LRRC3B: variants seen among roughly 807,000 people sequenced by gnomAD.
The protein encoded by LRRC3B is leucine rich repeat containing 3B.
Under a neutral mutation model 12.8 loss-of-function variants are expected in LRRC3B, and 2 were observed. The ratio of observed to expected loss-of-function variants is 0.16; its 90% CI spans 0.06 to 0.49. The LOEUF (loss-of-function observed/expected upper bound fraction) is 0.49, where lower values mean the gene tolerates loss of function less well. Ranked by LOEUF, LRRC3B falls within the 20% of genes least tolerant of loss-of-function variation. LRRC3B has a pLI of 0.96. For missense variants in LRRC3B, 189 were observed against 319.4 expected (o/e 0.59, Z 3.11); for synonymous variants, 132 against 122.0 (o/e 1.08, Z -0.54).
chr3:26,710,158 C>G, exon 2 of LRRC3B: 1 of 1,613,904 alleles, frequency 6.2e-7, no homozygotes, highest in African/African-American at 1.3e-5. Context: ...GCATGGCGTC[C>G]AATCATGAGA....
chr3:26,678,654 A>G (rs1226969676), intron 1 of LRRC3B, among the ~76,000 whole-genome samples: 1 of 152,290 alleles, frequency 6.6e-6, no homozygotes, highest in African/African-American at 2.4e-5. Flanking sequence ...CTTAAAGCTT[A>G]CTCTGAAAGA....
intron 1 of LRRC3B, among the ~76,000 whole-genome samples, chr3:26,674,750 A>G (rs1044120684): frequency 6.6e-6 from 1 of 152,292 alleles, no homozygotes. Context: ...GGGCATTTCT[A>G]AAAATGAACT....
Position 26,710,639 on chromosome 3 carries a change from C to G in LRRC3B, c.*187C>G, listed in dbSNP as rs1422817413. 7 of 553,092 alleles carry G rather than the reference C, an allele frequency of 1.3e-5. No individual in the cohort carries two copies. In the East Asian group the frequency reaches 1.8e-4, roughly 14 times the overall value. 34.3% of individuals were successfully genotyped at this position (553,092 alleles called of 1,614,324 possible). A position where few individuals can be genotyped will look rare whatever the true frequency, so the allele number is the denominator to read the frequency against. On this transcript the variant is annotated 3_prime_UTR_variant, in exon 2 of 2. Transcript: ENST00000396641. ...ATAATTTGAGTTTAGGTGATCCACC[C>G]CTTAATTGTACCCCCGATGGTATAT...
intron 1 of LRRC3B, among the ~76,000 whole-genome samples, chr3:26,670,523 A>G (rs1267466157): frequency 6.6e-6 from 1 of 152,166 alleles, no homozygotes; most frequent in African/African-American, 2.4e-5. Flanking sequence ...GGAGCTAAGG[A>G]TATTACTAGG....
At chr3:26,689,207 A>G (rs1256538590) in intron 1 of LRRC3B, among the ~76,000 whole-genome samples, 1 of 152,222 alleles carries the variant, frequency 6.6e-6, no homozygotes, top group East Asian at 1.9e-4. Context: ...AGGAAAAGAG[A>G]GAAATGCTGG....
At chr3:26,685,523 C>CTATATA (rs57407254) in intron 1 of LRRC3B, among the ~76,000 whole-genome samples, 37 of 38,300 alleles carry the variant, frequency 9.7e-4, no homozygotes, top group South Asian at 2.4e-3. Flanking sequence ...CTCTCTCTCT[C>CTATATA]TATATATATA....
chr3:26,654,504 T>C (rs1699330614), intron 1 of LRRC3B, among the ~76,000 whole-genome samples: 1 of 152,120 alleles, frequency 6.6e-6, no homozygotes, highest in African/African-American at 2.4e-5. Flanking sequence ...TAAATGCAAA[T>C]GAGGATTACC....
rs1698807871 is a variant in LRRC3B, at chr3:26,633,707, A to G, written c.-161+10470A>G. Among the ~76,000 whole-genome samples, 3 of 152,168 alleles carry G rather than the reference A, an allele frequency of 2.0e-5. No homozygotes were observed. The South Asian group carries it at 6.2e-4, about 32-fold the overall frequency. On this transcript the variant is annotated intron_variant, in intron 1 of 1. Transcript: ENST00000396641. ...TATCCCAGGAGGAGGGAAAGCACAG[A>G]CACAGGAAAAGGGAACAGAATAATG...
At chr3:26,694,237 GT>G (rs1700254461) in intron 1 of LRRC3B, among the ~76,000 whole-genome samples, 2 of 152,154 alleles carry the variant, frequency 1.3e-5, no homozygotes, top group Admixed American at 1.3e-4. Context: ...CAATAGCAAT[GT>G]TTTATTCTAT....
intron 1 of LRRC3B, among the ~76,000 whole-genome samples, chr3:26,689,884 C>T (rs1459447165): frequency 6.6e-6 from 1 of 152,198 alleles, no homozygotes; most frequent in African/African-American, 2.4e-5. Flanking sequence ...TCTGTCCAGT[C>T]CTCCCATCTG....
intron 1 of LRRC3B, among the ~76,000 whole-genome samples, chr3:26,684,448 T>C (rs57884324): frequency 0.22 from 33,599 of 152,216 alleles, 4,077 homozygotes; most frequent in East Asian, 0.32. Flanking sequence ...ACTTCAGCTC[T>C]CTTACTGACT....
intron 1 of LRRC3B, among the ~76,000 whole-genome samples, chr3:26,639,116 C>G (rs545112118): frequency 6.6e-6 from 1 of 152,220 alleles, no homozygotes; most frequent in South Asian, 2.1e-4. Context: ...AATAGAGCTG[C>G]ACTGTTCAAT....
At chr3:26,698,474 C>G (rs887913229) in intron 1 of LRRC3B, among the ~76,000 whole-genome samples, 2 of 152,050 alleles carry the variant, frequency 1.3e-5, no homozygotes, top group East Asian at 1.9e-4. Context: ...CATTTTGTAT[C>G]ACTCTGAGGG....
intron 1 of LRRC3B, among the ~76,000 whole-genome samples, chr3:26,663,276 C>A (rs1048230180): frequency 5.3e-5 from 8 of 152,152 alleles, no homozygotes; most frequent in African/African-American, 1.9e-4. Context: ...ATTCGTTTTG[C>A]AGCTTACTCT....
At chr3:26,679,721 G>A (rs1699931480) in intron 1 of LRRC3B, among the ~76,000 whole-genome samples, 1 of 152,108 alleles carries the variant, frequency 6.6e-6, no homozygotes, top group Non-Finnish European at 1.5e-5. Flanking sequence ...TGTCCTCCCT[G>A]CCCTCCTCCA....
chr3:26,670,495 T>A (rs961237809), intron 1 of LRRC3B, among the ~76,000 whole-genome samples: 1 of 152,158 alleles, frequency 6.6e-6, no homozygotes, highest in Non-Finnish European at 1.5e-5. Flanking sequence ...GAGCACCGGG[T>A]TTTTTAATCT....
chr3:26,692,763 A>G (rs1297357971), intron 1 of LRRC3B, among the ~76,000 whole-genome samples: 5 of 152,242 alleles, frequency 3.3e-5, no homozygotes, highest in Non-Finnish European at 2.9e-5. Flanking sequence ...CTTTCGCTAC[A>G]TAACAAGTAT....
chr3:26,679,362 C>T (rs764246049), intron 1 of LRRC3B, among the ~76,000 whole-genome samples: 2 of 152,202 alleles, frequency 1.3e-5, no homozygotes, highest in East Asian at 3.9e-4. Context: ...CCATGGTCTC[C>T]CTGATGGCCT....
intron 1 of LRRC3B, among the ~76,000 whole-genome samples, chr3:26,685,454 G>A (rs1295716042): frequency 2.9e-5 from 4 of 137,574 alleles, no homozygotes; most frequent in Admixed American, 7.5e-5. Flanking sequence ...TGTGGAAGGA[G>A]GATACCCAAC....
Sources: allele counts gnomAD v4.1 joint callset (sites outside exome capture counted in the v4.1 genomes callset), GRCh38; gene constraint gnomAD v4.1.1; transcripts MANE v1.5; gene names NCBI Gene and HGNC (gene_info 2026-07-23, HGNC 2026-07-21).